Variants in CNBD1 observed in about 807,000 individuals in gnomAD.
CNBD1 encodes cyclic nucleotide binding domain containing 1.
Under a neutral mutation model 54.4 loss-of-function variants are expected in CNBD1, and 71 were observed. The ratio of observed to expected loss-of-function variants is 1.30; its 90% CI spans 1.08 to 1.59. The LOEUF (loss-of-function observed/expected upper bound fraction) is 1.59, where lower values mean the gene tolerates loss of function less well. Ranked by LOEUF, CNBD1 falls within the 40% of genes most tolerant of loss-of-function variation. CNBD1 has a pLI of 0.00. For missense variants in CNBD1, 659 were observed against 518.0 expected (o/e 1.27, Z -2.64); for synonymous variants, 182 against 170.7 (o/e 1.07, Z -0.51).
At chr8:87,116,632 C>T (rs576358779) in intron 4 of CNBD1, among the ~76,000 whole-genome samples, 1 of 152,304 alleles carries the variant, frequency 6.6e-6, no homozygotes, top group South Asian at 2.1e-4. Flanking sequence ...ATTTCATCCT[C>T]TGTCAGTCAA....
Position 86,887,584 on chromosome 8 carries a change from C to T in CNBD1, c.131C>T (p.Ala44Val), listed in dbSNP as rs958204951. ...SKHINYGQLN[A>V]LCHIRGQHSR... is the part of the protein sequence containing the mutation. ...CACATTAATTATGGCCAGTTGAATG[C>T]ATTATGCCACATTAGAGGACAACAC... The change falls in exon 2 of 11, where the codon GCA (alanine) becomes GTA (valine). Residue 44 changes from alanine (A) to valine (V), a missense_variant. Ala to Val is a moderately conservative substitution (Grantham distance 64). Transcript: ENST00000518476. 1 of 1,581,116 alleles carries T rather than the reference C, an allele frequency of 6.3e-7. No homozygotes were observed. The highest frequency in any genetic ancestry group is 8.6e-7 in the Non-Finnish European group (1 of 1,161,446).
At chr8:87,425,900 G>C (rs944829818) in intron 2 of CNBD1, among the ~76,000 whole-genome samples, 8 of 152,058 alleles carry the variant, frequency 5.3e-5, no homozygotes, top group African/African-American at 1.2e-4. Flanking sequence ...GGGCAATGGC[G>C]GGCGCCCCTC....
chr8:87,373,194 T>C lies in CNBD1; in HGVS notation c.1304-9426T>C, dbSNP rs528107827. ...CTCTCAAGAAAAAAAGCAAATGTTA[T>C]TGAAAAGTAGACTTTTCTGCAAATG... On this transcript the variant is annotated intron_variant, in intron 10 of 10. Coordinates refer to ENST00000518476, the MANE Select transcript of CNBD1 (RefSeq NM_173538.3). Among the ~76,000 whole-genome samples, 7 of 151,918 alleles carry C rather than the reference T, an allele frequency of 4.6e-5. No homozygotes were observed. In the East Asian group the frequency reaches 7.8e-4, roughly 17 times the overall value.
chr8:87,304,614 T>C (rs1291117992), intron 8 of CNBD1, among the ~76,000 whole-genome samples: 1 of 152,110 alleles, frequency 6.6e-6, no homozygotes, highest in Non-Finnish European at 1.5e-5. Context: ...TGTGCAAATG[T>C]ACCCTAGAAC....
At chr8:86,995,989 C>G (rs539908159) in intron 4 of CNBD1, among the ~76,000 whole-genome samples, 7 of 152,124 alleles carry the variant, frequency 4.6e-5, no homozygotes, top group Non-Finnish European at 8.8e-5. Context: ...ATATTAAGAC[C>G]TGCCATGATT....
rs531177036 is a variant in CNBD1 at position 86,960,550 on chromosome 8, T to A, written c.431+20796T>A. ...CCTGCCTACCTCTGTAGACTCCACC[T>A]CTCGGGGCAGTGCATAGCTGAACAA... is the stretch of plus-strand genomic sequence containing the variant. On this transcript the variant is annotated intron_variant, in intron 4 of 10. Coordinates refer to ENST00000518476, the MANE Select transcript of CNBD1 (RefSeq NM_173538.3). Among the ~76,000 whole-genome samples, 13 of 152,212 alleles carry A rather than the reference T, an allele frequency of 8.5e-5. No homozygotes were observed. The East Asian group carries it at 2.1e-3, about 25-fold the overall frequency.
At chr8:87,335,481 T>A (rs1040918213) in intron 8 of CNBD1, among the ~76,000 whole-genome samples, 4 of 152,196 alleles carry the variant, frequency 2.6e-5, no homozygotes, top group Admixed American at 2.6e-4. Context: ...TATTTTTTGA[T>A]CTTTGTTGAT....
At chr8:87,317,254 T>A (rs1279406981) in intron 8 of CNBD1, among the ~76,000 whole-genome samples, 1 of 151,734 alleles carries the variant, frequency 6.6e-6, no homozygotes, top group African/African-American at 2.4e-5. Flanking sequence ...TTCACTCTTA[T>A]AGTAGCTTAA....
At chr8:87,248,874 G>A (rs918153236) in intron 6 of CNBD1, among the ~76,000 whole-genome samples, 2 of 152,114 alleles carry the variant, frequency 1.3e-5, no homozygotes, top group African/African-American at 2.4e-5. Context: ...GGAAAGAGGC[G>A]TGAACAGAAG....
intron 4 of CNBD1, among the ~76,000 whole-genome samples, chr8:87,194,540 A>C (rs188409514): frequency 1.3e-5 from 2 of 152,320 alleles, no homozygotes. Context: ...AAAATTCTGC[A>C]TTATATGCCT....
chr8:87,155,734 A>G (rs1812700003), intron 4 of CNBD1, among the ~76,000 whole-genome samples: 1 of 152,194 alleles, frequency 6.6e-6, no homozygotes, highest in Non-Finnish European at 1.5e-5. Flanking sequence ...TTCCAGAGAC[A>G]TTTATAGTCT....
intron 10 of CNBD1, among the ~76,000 whole-genome samples, chr8:87,363,446 T>A (rs1271520431): frequency 6.6e-6 from 1 of 152,156 alleles, no homozygotes; most frequent in East Asian, 1.9e-4. Flanking sequence ...ATGGTTGAAC[T>A]AATTTAGACT....
At chr8:87,267,662 A>T (rs1461146455) in intron 6 of CNBD1, among the ~76,000 whole-genome samples, 1 of 152,198 alleles carries the variant, frequency 6.6e-6, no homozygotes, top group Admixed American at 6.5e-5. Flanking sequence ...AAGTAATTTG[A>T]GTATAGCATA....
At chr8:87,274,207 C>T (rs7831924) in intron 6 of CNBD1, among the ~76,000 whole-genome samples, 40,527 of 148,324 alleles carry the variant, frequency 0.27, 5,982 homozygotes, top group African/African-American at 0.38. Flanking sequence ...TCTTTGCTAT[C>T]GTGAATGGTG....
intron 2 of CNBD1, among the ~76,000 whole-genome samples, chr8:87,392,056 C>A (rs1196165446): frequency 6.6e-6 from 1 of 152,018 alleles, no homozygotes; most frequent in African/African-American, 2.4e-5. Flanking sequence ...GAAAAAGGTA[C>A]TCACTTTCAC....
chr8:87,031,323 C>T (rs550584777), intron 4 of CNBD1, among the ~76,000 whole-genome samples: 13 of 151,906 alleles, frequency 8.6e-5, no homozygotes, highest in Non-Finnish European at 1.9e-4. Context: ...TTGCACATAA[C>T]TCGTGTGTGC....
At chr8:86,948,990 C>A (rs1425635407) in intron 4 of CNBD1, among the ~76,000 whole-genome samples, 7 of 152,154 alleles carry the variant, frequency 4.6e-5, no homozygotes, top group South Asian at 2.1e-4. Context: ...TTTCCCAGCA[C>A]ATTTTGTTGA....
At chr8:87,253,491 T>A (rs1303259920) in intron 6 of CNBD1, among the ~76,000 whole-genome samples, 1 of 152,060 alleles carries the variant, frequency 6.6e-6, no homozygotes, top group Non-Finnish European at 1.5e-5. Context: ...CTGCAGGAGG[T>A]GCCTGTGCCC....
chr8:87,252,608 C>T lies in CNBD1; in HGVS notation c.771+15496C>T, dbSNP rs549357410. Reference sequence around the variant, plus strand: ...AGAACTGGGAAAGCAAAAATGAATGCAACCTTGATCCTGTTTTCAAATTTA... The same window carrying T: ...AGAACTGGGAAAGCAAAAATGAATGTAACCTTGATCCTGTTTTCAAATTTA... On this transcript the variant is annotated intron_variant, in intron 6 of 10. Coordinates refer to ENST00000518476, the MANE Select transcript of CNBD1 (RefSeq NM_173538.3). 2.0e-5 allele frequency among the ~76,000 whole-genome samples: 3 copies of T among 152,254 alleles called. No homozygotes were observed. The East Asian group carries it at 5.8e-4, about 29-fold the overall frequency.
Sources: gnomAD v4.1 joint callset for allele counts (sites outside exome capture counted in the v4.1 genomes callset) on GRCh38, gnomAD v4.1.1 for gene constraint, MANE v1.5 for transcripts, NCBI Gene and HGNC (gene_info 2026-07-23, HGNC 2026-07-21) for gene names.